HEATR4: variants seen among roughly 807,000 people sequenced by gnomAD.
The protein encoded by HEATR4 is HEAT repeat-containing protein 4.
HEATR4 carries 95 observed loss-of-function variants against 108.8 expected under a neutral mutation model. That is an observed-to-expected ratio of 0.87 (90% confidence interval 0.74 to 1.04). HEATR4 has a LOEUF of 1.04. HEATR4 is among the 50% of genes least tolerant of loss of function. The pLI, the probability that HEATR4 is intolerant of heterozygous loss-of-function variation, is 0.00. For missense variants in HEATR4, 1,152 were observed against 1,253.8 expected (o/e 0.92, Z 1.23); for synonymous variants, 443 against 459.4 (o/e 0.96, Z 0.46).
chr14:73,496,555 G>T (rs1166336751), intron 15 of HEATR4, 46 bp downstream of exon 15: 10 of 1,193,732 alleles, frequency 8.4e-6, no homozygotes, highest in Admixed American at 1.7e-5. Context: ...AGGAACTCTT[G>T]AGAGTCCTGA....
chr14:73,478,779 T>G lies in HEATR4; in HGVS notation c.2908A>C (p.Ser970Arg), dbSNP rs1337948439. The G allele has an allele frequency of 5.6e-6, 9 of 1,613,992 alleles. No homozygotes were observed. The highest frequency in any genetic ancestry group is 7.6e-6 in the Non-Finnish European group (9 of 1,179,966). ...TTGACAAGTGATGAACGAACTTTGC[T>G]TCGTGTGGTTAGGCCTGGGACTGAA... is the stretch of plus-strand genomic sequence containing the variant. ...QSSVPGLTTR[S>R]KVRSSLVKDL... Residue 970 changes from serine (S) to arginine (R), a missense_variant, in exon 18 of 18, where the codon AGC becomes CGC. Ser to Arg is a moderately radical substitution (Grantham distance 110). Coordinates refer to ENST00000553558, the MANE Select transcript of HEATR4 (RefSeq NM_001220484.1).
intron 13 of HEATR4, 105 bp from the exon 14 acceptor site, chr14:73,498,449 T>C (rs1595092965): frequency 2.1e-6 from 2 of 974,816 alleles, no homozygotes; most frequent in East Asian, 5.3e-5. Flanking sequence ...TTTTGGATGG[T>C]AATCACCATT....
intron 7 of HEATR4, among the ~76,000 whole-genome samples, 172 bp from the exon 8 acceptor site, chr14:73,509,645 C>G (rs750118650): frequency 6.6e-6 from 1 of 151,182 alleles, no homozygotes; most frequent in African/African-American, 2.4e-5. Flanking sequence ...ATTTTCTGCT[C>G]AAGGTGTTAA....
chr14:73,579,295 C>T, the HEATR4 span, among the ~76,000 whole-genome samples: 14 of 89,710 alleles, frequency 1.6e-4, no homozygotes, highest in Admixed American at 7.8e-4. Context: ...AAAAAAAAAA[C>T]GCTGGGTGTG....
chr14:73,542,186 T>A lies in HEATR4; in HGVS notation c.-151-11942A>T, dbSNP rs1351447544. ...TTGTATTTTTTTTTTTTAGTAGAGA[T>A]GGGGTTTCGCCATGTTGGCCAGGCT... On this transcript the variant is annotated intron_variant, in intron 1 of 17. Coordinates refer to ENST00000553558, the MANE Select transcript of HEATR4 (RefSeq NM_001220484.1). Among the ~76,000 whole-genome samples the A allele has an allele frequency of 1.9e-5, 2 of 107,108 alleles. 1 individual carries two copies. Among genetic ancestry groups the A allele is most frequent in the Non-Finnish European group, 4.0e-5 (2 of 50,574 alleles). 70.3% of individuals were successfully genotyped at this position (107,108 alleles called of 152,430 possible).
intron 14 of HEATR4, among the ~76,000 whole-genome samples, chr14:73,497,315 C>T (rs1284095406): frequency 2.0e-5 from 3 of 152,180 alleles, no homozygotes; most frequent in Non-Finnish European, 4.4e-5. Flanking sequence ...GTTGGGATTA[C>T]AGATGTGAGC....
In HEATR4 at chr14:73,509,484, AAGAGCC is replaced by A; in HGVS notation, c.1559-17_1559-12del. The A allele has an allele frequency of 6.2e-7, 1 of 1,613,414 alleles. No individual in the cohort carries two copies. Among genetic ancestry groups the A allele is most frequent in the Non-Finnish European group, 8.5e-7 (1 of 1,179,878 alleles). On this transcript the variant is annotated splice_polypyrimidine_tract_variant and intron_variant, in intron 7 of 17. Transcript: ENST00000553558. ...CCTGGATGGTCTTGTCTGTGATCAA[AAGAGCC>A]AGGTAAGAGAGTACTAGCCCCTTTG... is the stretch of plus-strand genomic sequence containing the variant.
intron 17 of HEATR4, chr14:73,491,597 C>T: frequency 6.5e-7 from 1 of 1,546,506 alleles, no homozygotes; most frequent in Non-Finnish European, 8.7e-7. Flanking sequence ...CGAGCTGAAC[C>T]GCATCCCCAG....
the HEATR4 span, among the ~76,000 whole-genome samples, chr14:73,623,888 A>G: frequency 1.3e-5 from 2 of 151,986 alleles, no homozygotes; most frequent in African/African-American, 4.8e-5. Flanking sequence ...TGCACACGCT[A>G]GGCCTCTGTC....
chr14:73,592,177 C>G, the HEATR4 span: 1 of 1,605,394 alleles, frequency 6.2e-7, no homozygotes, highest in Non-Finnish European at 8.5e-7. Context: ...GGCAGCTTCG[C>G]GGGACTCGAG....
At chr14:73,568,727 A>T in the HEATR4 span, among the ~76,000 whole-genome samples, 3 of 151,998 alleles carry the variant, frequency 2.0e-5, no homozygotes, top group Non-Finnish European at 4.4e-5. Context: ...AGAAATTACT[A>T]CCTATTACCC....
chr14:73,568,994 T>C, the HEATR4 span: 1 of 534,100 alleles, frequency 1.9e-6, no homozygotes, highest in Non-Finnish European at 3.3e-6. Flanking sequence ...TGGAGACTGC[T>C]AGCTGCCTGG....
intron 17 of HEATR4, 125 bp from the exon 18 acceptor site, chr14:73,478,967 C>G: frequency 1.5e-6 from 1 of 646,872 alleles, no homozygotes; most frequent in Non-Finnish European, 2.6e-6. Context: ...GAGACGGAGT[C>G]CCACTCTGTC....
chr14:73,549,965 AATT>A lies in HEATR4; in HGVS notation c.-152+8783_-152+8785del, dbSNP rs1187275579. ...GAAACCTTCCCTATCAACTTTATAA[AATT>A]AATCAGGGGAGAAGGGAGGGGCGAA... On this transcript the variant is annotated intron_variant, in intron 1 of 17. Coordinates refer to ENST00000553558, the MANE Select transcript of HEATR4 (RefSeq NM_001220484.1). Among the ~76,000 whole-genome samples the A allele has an allele frequency of 3.9e-5, 3 of 76,788 alleles. 1 individual carries two copies. Among genetic ancestry groups the A allele is most frequent in the Non-Finnish European group, 8.2e-5 (3 of 36,614 alleles). The allele number at this position is 76,788 out of a possible 152,430, so 50.4% of individuals were successfully genotyped here. A position where few individuals can be genotyped will look rare whatever the true frequency, so the allele number is the denominator to read the frequency against.
chr14:73,591,808 T>C, the HEATR4 span: 18 of 675,926 alleles, frequency 2.7e-5, no homozygotes, highest in Non-Finnish European at 3.7e-5. Context: ...GGTTAACCGG[T>C]CTGAAGTCCC....
Position 73,530,201 on chromosome 14 carries a change from A to T in HEATR4, c.-108T>A, listed in dbSNP as rs1216806514. ...AGGCTGGTTTCAAACTCCTGGAATC[A>T]AGCGATCTTCCTGCCTTGGCCTCCA... On this transcript the variant is annotated 5_prime_UTR_variant, in exon 2 of 18. Transcript: ENST00000553558. 3 of 144,228 alleles carry T rather than the reference A, an allele frequency of 2.1e-5. 1 individual carries two copies. Among genetic ancestry groups the T allele is most frequent in the African/African-American group, 7.5e-5 (3 of 40,034 alleles). The allele number at this position is 144,228 out of a possible 1,614,324, so 8.9% of individuals were successfully genotyped here.
At chr14:73,491,028 T>A (rs1438516370) in intron 17 of HEATR4, 9 of 1,547,402 alleles carry the variant, frequency 5.8e-6, no homozygotes, top group Non-Finnish European at 7.9e-6. Context: ...ATGGATGGGC[T>A]CCAGGCCAGT....
In HEATR4 at chr14:73,530,486, T is replaced by TC. The variant is rs1888643290; in HGVS notation, c.-151-243dup. ...GCTGCTTAACCTGGCTTGTTTCAAG[T>TC]CCCCCTTTCTCCCTTTTTGCCCTCA... On this transcript the variant is annotated intron_variant, in intron 1 of 17. Coordinates refer to ENST00000553558, the MANE Select transcript of HEATR4 (RefSeq NM_001220484.1). 3 of 128,452 alleles carry TC rather than the reference T, an allele frequency of 2.3e-5. No individual in the cohort carries two copies. The South Asian group carries it at 7.6e-4, about 32-fold the overall frequency. The allele number at this position is 128,452 out of a possible 1,614,324, so 8.0% of individuals were successfully genotyped here. A position where few individuals can be genotyped will look rare whatever the true frequency, so the allele number is the denominator to read the frequency against.
the HEATR4 span, among the ~76,000 whole-genome samples, chr14:73,572,322 T>C: frequency 6.6e-6 from 1 of 151,542 alleles, no homozygotes; most frequent in Admixed American, 6.6e-5. Flanking sequence ...AATCAACATC[T>C]ATCAAGATAT....
Sources: gnomAD v4.1 joint callset for allele counts (sites outside exome capture counted in the v4.1 genomes callset) on GRCh38, gnomAD v4.1.1 for gene constraint, MANE v1.5 for transcripts, NCBI Gene and HGNC (gene_info 2026-07-23, HGNC 2026-07-21) for gene names.